The following LIN54 variants were observed in gnomAD, a reference collection of about 807,000 sequenced individuals.
LIN54 encodes the protein lin-54 DREAM MuvB core complex component, also known as protein lin-54 homolog.
In LIN54, 9 loss-of-function variants were observed where a neutral mutation model predicts 78.7. The ratio of observed to expected loss-of-function variants is 0.11; its 90% CI spans 0.07 to 0.20. The LOEUF is 0.20. LIN54 is among the 10% of genes least tolerant of loss of function. The probability of loss-of-function intolerance (pLI) is 1.00; values close to 1 mark genes in which losing one functional copy is unlikely to be tolerated. For missense variants in LIN54, 573 were observed against 889.9 expected, an observed-to-expected ratio of 0.64 and a Z score of 4.53; for synonymous variants, 269 against 318.4, an observed-to-expected ratio of 0.84 and a Z score of 1.65.
At chr4:82,951,475 A>G (rs1723840560) in intron 4 of LIN54, among the ~76,000 whole-genome samples, 1 of 152,204 alleles carries the variant, frequency 6.6e-6, no homozygotes, top group African/African-American at 2.4e-5. Flanking sequence ...ATAAGGTATC[A>G]GGACCAGAAA....
intron 4 of LIN54, among the ~76,000 whole-genome samples, chr4:82,969,430 A>G (rs1434834324): frequency 6.6e-6 from 1 of 152,230 alleles, no homozygotes; most frequent in Non-Finnish European, 1.5e-5. Flanking sequence ...TGCATGGCAC[A>G]GTTACCCTCA....
At chr4:82,940,093 G>A in intron 5 of LIN54, 131 bp from the exon 6 acceptor site, 1 of 680,574 alleles carries the variant, frequency 1.5e-6, no homozygotes, top group Non-Finnish European at 2.5e-6. Context: ...TTCCTAATTT[G>A]AGCAATCTTT....
chr4:82,939,518 G>C, intron 7 of LIN54, 21 bp downstream of exon 7: 1 of 1,594,702 alleles, frequency 6.3e-7, no homozygotes, highest in South Asian at 1.1e-5. Context: ...GCAATACAAT[G>C]ACTTCATTTT....
intron 3 of LIN54, among the ~76,000 whole-genome samples, chr4:82,976,759 T>C (rs948605768): frequency 1.6e-4 from 25 of 152,166 alleles, no homozygotes; most frequent in African/African-American, 5.8e-4. Flanking sequence ...CTGCAATGTA[T>C]ACATAAAGAT....
At chr4:82,935,861 C>T in intron 11 of LIN54, 120 bp downstream of exon 11, 1 of 968,722 alleles carries the variant, frequency 1.0e-6, no homozygotes. Flanking sequence ...TTTGCACCAA[C>T]TGTGCATATT....
At chr4:82,935,183 G>A (rs75604397) in intron 11 of LIN54, among the ~76,000 whole-genome samples, 2,450 of 151,578 alleles carry the variant, frequency 0.016, 62 homozygotes, top group African/African-American at 0.055. Context: ...CTCTTTGAGT[G>A]GGCATAACCA....
chr4:82,944,509 A>T (rs941091372), intron 5 of LIN54, among the ~76,000 whole-genome samples: 3 of 152,140 alleles, frequency 2.0e-5, no homozygotes, highest in Admixed American at 6.6e-5. Flanking sequence ...CCTCATTAAG[A>T]TTATGATAAT....
rs1430676347 is a variant in LIN54 at position 82,947,225 on chromosome 4, ATATATATATATT to A, written c.952-763_952-752del. ...AAAAAATTTATATATATATATATAT[ATATATATATATT>A]TTTTTTTTTTTTGAAGACAGGGTCT... is the stretch of plus-strand genomic sequence containing the variant. On this transcript the variant is annotated intron_variant, in intron 4 of 12. Transcript: ENST00000340417. Among the ~76,000 whole-genome samples, 99 of 21,618 alleles carry A rather than the reference ATATATATATATT, an allele frequency of 4.6e-3. 2 individuals are homozygous for A. The highest frequency in any genetic ancestry group is 0.014 in the African/African-American group (97 of 6,700). The allele number at this position is 21,618 out of a possible 152,430, so 14.2% of individuals were successfully genotyped here.
At chr4:82,947,045 A>C (rs1022510894) in intron 4 of LIN54, among the ~76,000 whole-genome samples, 1 of 151,440 alleles carries the variant, frequency 6.6e-6, no homozygotes, top group African/African-American at 2.4e-5. Flanking sequence ...AGAAAAGCCT[A>C]CCTGATACCC....
At chr4:82,994,298 G>A (rs1007506127) in intron 1 of LIN54, among the ~76,000 whole-genome samples, 2 of 152,048 alleles carry the variant, frequency 1.3e-5, no homozygotes, top group African/African-American at 2.4e-5. Context: ...TATTGTCAGA[G>A]AACATAATAC....
chr4:82,992,799 T>C (rs890475401), intron 1 of LIN54, among the ~76,000 whole-genome samples: 1 of 151,926 alleles, frequency 6.6e-6, no homozygotes, highest in African/African-American at 2.4e-5. Flanking sequence ...GAGGCCAAGG[T>C]GGGTGGATCA....
Position 82,926,467 on chromosome 4 carries a change from T to C in LIN54, c.*1635A>G, listed in dbSNP as rs1721475678. ...TACTTAATTTCTATTGCCTATATCTTGCATGTTCATATGAACATATATACA... is the reference window on the plus strand; with the variant it reads ...TACTTAATTTCTATTGCCTATATCTCGCATGTTCATATGAACATATATACA... On this transcript the variant is annotated 3_prime_UTR_variant, in exon 13 of 13. Coordinates refer to ENST00000340417, the MANE Select transcript of LIN54 (RefSeq NM_194282.4). 6.6e-6 allele frequency: 1 copy of C among 152,600 alleles called. No homozygotes were observed. The highest frequency in any genetic ancestry group is 1.5e-5 in the Non-Finnish European group (1 of 68,028). 9.5% of individuals were successfully genotyped at this position (152,600 alleles called of 1,614,324 possible).
intron 3 of LIN54, 111 bp downstream of exon 3, chr4:82,978,772 T>C (rs895042277): frequency 1.7e-6 from 1 of 595,686 alleles, no homozygotes; most frequent in African/African-American, 1.9e-5. Context: ...GTCTGGTTTA[T>C]AATAATAAGC....
At chr4:82,951,392 G>A (rs868608313) in intron 4 of LIN54, among the ~76,000 whole-genome samples, 3 of 152,246 alleles carry the variant, frequency 2.0e-5, no homozygotes, top group African/African-American at 4.8e-5. Context: ...TAATTTATAT[G>A]TGGTGTATTA....
At chr4:82,989,881 T>A (rs6841669) in intron 1 of LIN54, among the ~76,000 whole-genome samples, 2 of 152,068 alleles carry the variant, frequency 1.3e-5, no homozygotes, top group South Asian at 4.1e-4. Context: ...CTTTGAGGGC[T>A]CCTTAACTCA....
chr4:82,964,843 G>A (rs1725077159), intron 4 of LIN54, among the ~76,000 whole-genome samples: 1 of 152,022 alleles, frequency 6.6e-6, no homozygotes, highest in South Asian at 2.1e-4. Context: ...GAAACTACAT[G>A]TCTACTAAAA....
chr4:82,935,666 T>A (rs149931078), intron 11 of LIN54, among the ~76,000 whole-genome samples: 177 of 152,300 alleles, frequency 1.2e-3, no homozygotes, highest in African/African-American at 4.0e-3. Flanking sequence ...GAGTTTCCAA[T>A]CCACTTTGAT....
chr4:82,954,814 A>G (rs547147642), intron 4 of LIN54, among the ~76,000 whole-genome samples: 7 of 152,338 alleles, frequency 4.6e-5, no homozygotes, highest in East Asian at 1.9e-4. Flanking sequence ...GAAGGTCCAC[A>G]TGCAAAAAAA....
chr4:82,970,309 G>A lies in LIN54; in HGVS notation c.951+18C>T. 1.9e-6 allele frequency: 3 copies of A among 1,602,584 alleles called. No homozygotes were observed. The highest frequency in any genetic ancestry group is 2.6e-6 in the Non-Finnish European group (3 of 1,174,812). Reference sequence around the variant, plus strand: ...TCAACCACAATATTTGGTATTTGTGGCTAATTTATTTTTTTACCTTATTTG... The same window carrying A: ...TCAACCACAATATTTGGTATTTGTGACTAATTTATTTTTTTACCTTATTTG... On this transcript the variant is annotated intron_variant, in intron 4 of 12. Coordinates refer to ENST00000340417, the MANE Select transcript of LIN54 (RefSeq NM_194282.4).
Sources: gnomAD v4.1 joint callset for allele counts (sites outside exome capture counted in the v4.1 genomes callset) on GRCh38, gnomAD v4.1.1 for gene constraint, MANE v1.5 for transcripts, NCBI Gene and HGNC (gene_info 2026-07-23, HGNC 2026-07-21) for gene names.